The following PODXL2 variants were observed in gnomAD, a reference collection of about 807,000 sequenced individuals.
PODXL2 encodes the protein podocalyxin-like protein 2.
A neutral mutation model predicts 53.4 loss-of-function variants in PODXL2; 17 were observed. The observed-to-expected ratio is 0.32, with a 90% CI of 0.22 to 0.48. The LOEUF is 0.48. Ranked by LOEUF, PODXL2 falls within the 20% of genes least tolerant of loss-of-function variation. The probability of loss-of-function intolerance (pLI) is 0.99; values close to 1 mark genes in which losing one functional copy is unlikely to be tolerated. For missense variants in PODXL2, 673 were observed against 760.0 expected (o/e 0.89, Z 1.35); for synonymous variants, 311 against 306.7 (o/e 1.01, Z -0.15).
intron 4 of PODXL2, among the ~76,000 whole-genome samples, chr3:127,664,127 A>G (rs1328907237): frequency 6.6e-6 from 1 of 152,130 alleles, no homozygotes; most frequent in African/African-American, 2.4e-5. Context: ...CTCTGTACCC[A>G]TTAAATGACT....
intron 2 of PODXL2, among the ~76,000 whole-genome samples, chr3:127,649,724 G>C (rs887547777): frequency 1.3e-5 from 2 of 152,248 alleles, no homozygotes; most frequent in Non-Finnish European, 2.9e-5. Flanking sequence ...ATCACCTGAG[G>C]TGAGGAGTTC....
intron 4 of PODXL2, among the ~76,000 whole-genome samples, chr3:127,666,851 G>T (rs1188241965): frequency 6.6e-6 from 1 of 152,228 alleles, no homozygotes; most frequent in Non-Finnish European, 1.5e-5. Flanking sequence ...GCTTAAGCCA[G>T]GCAGACATAT....
chr3:127,662,926 G>A (rs2074776490), intron 4 of PODXL2, among the ~76,000 whole-genome samples: 1 of 152,210 alleles, frequency 6.6e-6, no homozygotes, highest in Non-Finnish European at 1.5e-5. Flanking sequence ...TCTGGGAGCT[G>A]GGGTGGAGAG....
At position 127,667,690 on chromosome 3, in the gene PODXL2, C is replaced by T. The variant is rs139961685; in HGVS notation, c.1207-751C>T. Among the ~76,000 whole-genome samples the T allele has an allele frequency of 1.8e-3, 267 of 152,342 alleles. 1 individual carries two copies. The highest frequency in any genetic ancestry group is 6.1e-3 in the African/African-American group (255 of 41,570). On this transcript the variant is annotated intron_variant, in intron 4 of 7. Coordinates refer to ENST00000342480, the MANE Select transcript of PODXL2 (RefSeq NM_015720.4). ...GTTTTAAATTGTGGAATTACACGTA[C>T]ACATGGTCAAGAAAACCTCACAATA...
At chr3:127,662,213 C>T (rs752478131) in intron 3 of PODXL2, 24 bp from the exon 4 acceptor site, 17 of 1,606,384 alleles carry the variant, frequency 1.1e-5, no homozygotes, top group Non-Finnish European at 1.4e-5. Flanking sequence ...TAACTGTCGC[C>T]CTTCTTTCTG....
intron 1 of PODXL2, among the ~76,000 whole-genome samples, chr3:127,630,332 A>G (rs2074535584): frequency 6.6e-6 from 1 of 152,140 alleles, no homozygotes; most frequent in Non-Finnish European, 1.5e-5. Flanking sequence ...GGAAGTGTGC[A>G]TGTGTGCCTG....
At chr3:127,640,728 T>TA (rs1310531908) in intron 2 of PODXL2, among the ~76,000 whole-genome samples, 2 of 151,814 alleles carry the variant, frequency 1.3e-5, no homozygotes, top group African/African-American at 4.8e-5. Flanking sequence ...AAATAAAAAA[T>TA]AAAAACTACC....
Position 127,660,942 on chromosome 3 carries a change from C to T in PODXL2, c.914C>T (p.Ala305Val), listed in dbSNP as rs1267729469. ...GLSGQHEEVP[A>V]LPSFPQTTAP... Reference sequence around the variant, plus strand: ...TCTGGCCAGCACGAGGAGGTGCCGGCCTTGCCTTCATTCCCTCAAACCACA... The same window carrying T: ...TCTGGCCAGCACGAGGAGGTGCCGGTCTTGCCTTCATTCCCTCAAACCACA... Residue 305 changes from alanine to valine, a missense_variant, in exon 3 of 8, where the codon GCC becomes GTC. This residue lies in a region of PODXL2 where 588 missense variants were observed against 668.3 expected (regional missense o/e 0.88). Transcript: ENST00000342480. The T allele has an allele frequency of 1.9e-6, 3 of 1,614,248 alleles. No individual in the cohort carries two copies. In the South Asian group the frequency reaches 3.3e-5, roughly 18 times the overall value.
chr3:127,631,039 C>T (rs974061882), intron 1 of PODXL2, among the ~76,000 whole-genome samples: 1 of 152,228 alleles, frequency 6.6e-6, no homozygotes, highest in African/African-American at 2.4e-5. Flanking sequence ...GCACTTCTTA[C>T]CCCCTGCTTG....
intron 1 of PODXL2, among the ~76,000 whole-genome samples, chr3:127,632,627 T>C (rs866984426): frequency 6.6e-6 from 1 of 152,228 alleles, no homozygotes; most frequent in African/African-American, 2.4e-5. Flanking sequence ...TTTTTCCAGA[T>C]TTGTTTCTTG....
At position 127,631,225 on chromosome 3, in the gene PODXL2, G is replaced by A. The variant is rs367653211; in HGVS notation, c.70+1936G>A. Among the ~76,000 whole-genome samples, 18 of 152,306 alleles carry A rather than the reference G, an allele frequency of 1.2e-4. No homozygotes were observed. In the East Asian group the frequency reaches 3.3e-3, roughly 28 times the overall value. ...AAGGGTGAGGAGCTGTGTGACAGAT[G>A]CTGCAGGGCCCCTCCCATGTTGGTG... On this transcript the variant is annotated intron_variant, in intron 1 of 7. Transcript: ENST00000342480.
chr3:127,646,358 A>T (rs916526120), intron 2 of PODXL2, among the ~76,000 whole-genome samples: 1 of 150,878 alleles, frequency 6.6e-6, no homozygotes. Context: ...GTCATATTCT[A>T]TGTGGTACTT....
intron 4 of PODXL2, among the ~76,000 whole-genome samples, chr3:127,662,993 T>G (rs1281700877): frequency 6.6e-6 from 1 of 152,246 alleles, no homozygotes; most frequent in African/African-American, 2.4e-5. Context: ...AATATTCATG[T>G]ACTGTCTCTT....
chr3:127,640,037 G>C (rs191980026), intron 2 of PODXL2, among the ~76,000 whole-genome samples: 1 of 152,194 alleles, frequency 6.6e-6, no homozygotes, highest in Non-Finnish European at 1.5e-5. Context: ...CATTCTAACC[G>C]CCCTTCCCTC....
intron 2 of PODXL2, among the ~76,000 whole-genome samples, chr3:127,646,890 C>A (rs2074660476): frequency 6.6e-6 from 1 of 152,144 alleles, no homozygotes; most frequent in Admixed American, 6.5e-5. Flanking sequence ...TGGCTTCTTG[C>A]CAAGGGAGCA....
At chr3:127,658,300 T>C (rs1044354695) in intron 2 of PODXL2, among the ~76,000 whole-genome samples, 1 of 152,188 alleles carries the variant, frequency 6.6e-6, no homozygotes, top group African/African-American at 2.4e-5. Flanking sequence ...CAGAGCTCTC[T>C]CTGTGTGTTC....
intron 1 of PODXL2, among the ~76,000 whole-genome samples, chr3:127,636,668 C>A (rs1242963160): frequency 6.6e-6 from 1 of 152,220 alleles, no homozygotes; most frequent in Non-Finnish European, 1.5e-5. Context: ...GTGCCTAGGA[C>A]AGCAGAAGAC....
chr3:127,654,636 C>CT (rs2074710496), intron 2 of PODXL2, among the ~76,000 whole-genome samples: 1 of 152,172 alleles, frequency 6.6e-6, no homozygotes, highest in African/African-American at 2.4e-5. Flanking sequence ...CCTAGATTTT[C>CT]TTTGACTTAA....
At position 127,639,300 on chromosome 3, in the gene PODXL2, C is replaced by T. The variant is rs201950101; in HGVS notation, c.126C>T (p.Leu42=). The change falls in exon 2 of 8, where the codon CTC becomes CTT. Residue 42 remains leucine, a synonymous_variant. Transcript: ENST00000342480. ...CTGATGAGCCTGGCCCAGAGGGCCT[C>T]ACCTCCACCTCCCTGCTAGACCTCC... ...AGSDEPGPEG[L]TSTSLLDLLL... is the part of the protein sequence containing the mutation. The T allele has an allele frequency of 5.0e-6, 8 of 1,613,508 alleles. No individual in the cohort carries two copies. Among genetic ancestry groups the T allele is most frequent in the Non-Finnish European group, 6.8e-6 (8 of 1,179,962 alleles).
Sources: gnomAD v4.1 joint callset for allele counts (sites outside exome capture counted in the v4.1 genomes callset) on GRCh38, gnomAD v4.1.1 for gene constraint, gnomAD v4.1.1 regional missense constraint, MANE v1.5 for transcripts, NCBI Gene and HGNC (gene_info 2026-07-23, HGNC 2026-07-21) for gene names.